SLC1A2: variants seen among roughly 807,000 people sequenced by gnomAD.
SLC1A2 encodes the protein solute carrier family 1 member 2.
SLC1A2 carries 15 observed loss-of-function variants against 48.8 expected under a neutral mutation model. The ratio of observed to expected loss-of-function variants is 0.31; its 90% CI spans 0.21 to 0.47. The LOEUF is 0.47. SLC1A2 is among the 20% of genes least tolerant of loss of function. The pLI is 0.99. For missense variants in SLC1A2, 502 were observed against 730.5 expected (o/e 0.69, Z 3.61); for synonymous variants, 279 against 272.6 (o/e 1.02, Z -0.23).
chr11:35,266,377 A>G (rs1313750595), intron 9 of SLC1A2, among the ~76,000 whole-genome samples: 1 of 152,206 alleles, frequency 6.6e-6, no homozygotes, highest in East Asian at 1.9e-4. Flanking sequence ...ATTGACCAAT[A>G]TGTGTTATGA....
chr11:35,338,215 T>C (rs991843070), intron 1 of SLC1A2, among the ~76,000 whole-genome samples: 4 of 152,118 alleles, frequency 2.6e-5, no homozygotes, highest in Non-Finnish European at 5.9e-5. Flanking sequence ...AAGAGCAGAG[T>C]TGAGTAATTG....
chr11:35,286,206 T>C (rs1477353380), intron 8 of SLC1A2: 4 of 152,272 alleles, frequency 2.6e-5, no homozygotes, highest in Non-Finnish European at 5.9e-5. Flanking sequence ...AACAAAACTA[T>C]GTGCTATTTA....
intron 1 of SLC1A2, among the ~76,000 whole-genome samples, chr11:35,347,579 A>G (rs145337648): frequency 2.4e-4 from 36 of 152,360 alleles, no homozygotes; most frequent in African/African-American, 8.2e-4. Flanking sequence ...CACAAAATTA[A>G]GAAGTGGACA....
At chr11:35,271,944 G>C (rs537474351) in intron 9 of SLC1A2, among the ~76,000 whole-genome samples, 2 of 152,246 alleles carry the variant, frequency 1.3e-5, no homozygotes, top group East Asian at 1.9e-4. Context: ...CTCACTATAG[G>C]TAAAAAATGG....
At chr11:35,359,093 G>A (rs111986284) in intron 1 of SLC1A2, among the ~76,000 whole-genome samples, 5 of 152,234 alleles carry the variant, frequency 3.3e-5, no homozygotes, top group African/African-American at 1.2e-4. Flanking sequence ...TTGACAGCAG[G>A]GTAAACTGCT....
intron 1 of SLC1A2, among the ~76,000 whole-genome samples, chr11:35,320,353 A>T (rs1246103832): frequency 2.6e-5 from 4 of 152,194 alleles, no homozygotes; most frequent in Non-Finnish European, 5.9e-5. Flanking sequence ...CAGAGAGGAA[A>T]CATAAAGCAC....
chr11:35,283,546 T>C (rs1421367640), intron 8 of SLC1A2, among the ~76,000 whole-genome samples: 1 of 152,172 alleles, frequency 6.6e-6, no homozygotes, highest in Non-Finnish European at 1.5e-5. Flanking sequence ...AAACCCTGTG[T>C]AGATAAATTT....
chr11:35,279,602 T>C (rs116551377), intron 9 of SLC1A2, among the ~76,000 whole-genome samples: 1,685 of 152,282 alleles, frequency 0.011, 34 homozygotes, highest in African/African-American at 0.038. Context: ...CTTTTACCTA[T>C]TGGTTATGAT....
intron 3 of SLC1A2, among the ~76,000 whole-genome samples, chr11:35,314,295 T>C (rs554992723): frequency 2.0e-5 from 3 of 152,324 alleles, no homozygotes; most frequent in South Asian, 4.1e-4. Context: ...ATACCTAGCA[T>C]TTCATTTATT....
At chr11:35,324,820 C>T (rs1017832146) in intron 1 of SLC1A2, among the ~76,000 whole-genome samples, 1 of 152,058 alleles carries the variant, frequency 6.6e-6, no homozygotes, top group Non-Finnish European at 1.5e-5. Flanking sequence ...CAGCTTTGAC[C>T]CAACAAATTT....
At chr11:35,394,803 G>C (rs1854901221) in intron 1 of SLC1A2, among the ~76,000 whole-genome samples, 1 of 152,208 alleles carries the variant, frequency 6.6e-6, no homozygotes, top group South Asian at 2.1e-4. Flanking sequence ...GGCACGACAT[G>C]GCAGCTGAAA....
intron 2 of SLC1A2, 86 bp downstream of exon 2, chr11:35,317,291 G>T (rs1165679916): frequency 6.2e-6 from 9 of 1,454,626 alleles, no homozygotes; most frequent in Non-Finnish European, 7.5e-6. Flanking sequence ...CTGGTGGAAG[G>T]GCTGGCTGCT....
At chr11:35,415,341 G>A (rs1174276349) in intron 1 of SLC1A2, among the ~76,000 whole-genome samples, 1 of 152,200 alleles carries the variant, frequency 6.6e-6, no homozygotes, top group Non-Finnish European at 1.5e-5. Context: ...ATTATTTCCT[G>A]AGAATTAAGC....
At chr11:35,272,784 A>G (rs1421272427) in intron 9 of SLC1A2, among the ~76,000 whole-genome samples, 2 of 152,184 alleles carry the variant, frequency 1.3e-5, no homozygotes, top group Non-Finnish European at 2.9e-5. Flanking sequence ...GATGAAGATG[A>G]AAGCAGATCT....
Position 35,263,730 on chromosome 11 carries a change from A to C in SLC1A2, c.1653+1797T>G, listed in dbSNP as rs1950433904. Among the ~76,000 whole-genome samples, 2 of 152,222 alleles carry C rather than the reference A, an allele frequency of 1.3e-5. 1 individual carries two copies. The highest frequency in any genetic ancestry group is 4.1e-4 in the South Asian group (2 of 4,830). On this transcript the variant is annotated intron_variant, in intron 10 of 10. Transcript: ENST00000278379. The stretch of plus-strand genomic sequence containing the variant: ...ACATAATTTTTCCTCATATGGCAAT[A>C]ATTTGAGTTCAAGTCTTATCATCAT...
chr11:35,331,296 C>T (rs141964198), intron 1 of SLC1A2, among the ~76,000 whole-genome samples: 1 of 152,308 alleles, frequency 6.6e-6, no homozygotes, highest in African/African-American at 2.4e-5. Context: ...TGGCTTCCAT[C>T]GCCCATGGAA....
At chr11:35,372,376 G>T (rs771208107) in intron 1 of SLC1A2, among the ~76,000 whole-genome samples, 1 of 152,194 alleles carries the variant, frequency 6.6e-6, no homozygotes, top group Non-Finnish European at 1.5e-5. Context: ...TGCTTTGGTG[G>T]CTCTGGGGAC....
rs144171528 is a variant in SLC1A2, at chr11:35,373,456, G to A, written c.17+45494C>T. On this transcript the variant is annotated intron_variant, in intron 1 of 10. Transcript: ENST00000278379. Reference sequence around the variant, plus strand: ...CCCAGGAACCAAGCAAAGGGCTGGGGAGCAGCTGGTCTAGGGAGGGGCTGA... The same window carrying A: ...CCCAGGAACCAAGCAAAGGGCTGGGAAGCAGCTGGTCTAGGGAGGGGCTGA... 1.6e-3 allele frequency among the ~76,000 whole-genome samples: 241 copies of A among 152,306 alleles called. 1 individual carries two copies. The highest frequency in any genetic ancestry group is 6.6e-3 in the East Asian group (34 of 5,184).
intron 1 of SLC1A2, among the ~76,000 whole-genome samples, chr11:35,327,073 G>A (rs1852273868): frequency 6.6e-6 from 1 of 152,208 alleles, no homozygotes; most frequent in Non-Finnish European, 1.5e-5. Context: ...CAGTCTTGAA[G>A]TCAACCGTGT....
Sources: allele counts gnomAD v4.1 joint callset (sites outside exome capture counted in the v4.1 genomes callset), GRCh38; gene constraint gnomAD v4.1.1; transcripts MANE v1.5; gene names NCBI Gene and HGNC (gene_info 2026-07-23, HGNC 2026-07-21).